Variants in NDRG4 observed in about 807,000 individuals in gnomAD.
The protein encoded by NDRG4 is protein NDRG4.
A neutral mutation model predicts 55.8 loss-of-function variants in NDRG4; 38 were observed. That is an observed-to-expected ratio of 0.68 (90% CI 0.53 to 0.89). The LOEUF (loss-of-function observed/expected upper bound fraction) is 0.89, where lower values mean the gene tolerates loss of function less well. NDRG4 is among the 40% of genes least tolerant of loss of function. The probability of loss-of-function intolerance (pLI) is 0.00; values close to 1 mark genes in which losing one functional copy is unlikely to be tolerated. For missense variants in NDRG4, 455 were observed against 468.6 expected, an observed-to-expected ratio of 0.97 and a Z score of 0.27; for synonymous variants, 190 against 182.7, an observed-to-expected ratio of 1.04 and a Z score of -0.32.
intron 5 of NDRG4, among the ~76,000 whole-genome samples, chr16:58,505,445 A>G (rs2037807862): frequency 6.6e-6 from 1 of 151,482 alleles, no homozygotes; most frequent in Non-Finnish European, 1.5e-5. Context: ...AAAAACCCAA[A>G]AGACTAATTT....
intron 1 of NDRG4, chr16:58,501,190 G>GTCGT: frequency 1.6e-6 from 1 of 618,310 alleles, no homozygotes; most frequent in Non-Finnish European, 2.3e-6. Flanking sequence ...CACCCCGCAC[G>GTCGT]CACGGAGGTG....
At chr16:58,507,680 T>A (rs1322302797) in intron 8 of NDRG4, 128 bp from the exon 9 acceptor site, 7 of 874,830 alleles carry the variant, frequency 8.0e-6, no homozygotes, top group Non-Finnish European at 1.1e-5. Flanking sequence ...ACAGGGAGCC[T>A]CCAGTTCATT....
intron 2 of NDRG4, among the ~76,000 whole-genome samples, chr16:58,492,546 G>C (rs1433582725): frequency 3.5e-5 from 3 of 86,536 alleles, no homozygotes; most frequent in Non-Finnish European, 8.2e-5. Flanking sequence ...GTGTGTGTGT[G>C]TGTGTGAGAG....
chr16:58,512,568 AAGAG>A lies in NDRG4; in HGVS notation c.*997_*1000del, dbSNP rs755179997. On this transcript the variant is annotated 3_prime_UTR_variant, in exon 15 of 15. Coordinates refer to ENST00000570248, the MANE Select transcript of NDRG4 (RefSeq NM_001242835.2). ...GTGTGTCCCGGACGCATCACTAAGG[AAGAG>A]AGAGTTTATTTAGTCAACTGGCCCA... is the stretch of plus-strand genomic sequence containing the variant. 2 of 164,492 alleles carry A rather than the reference AAGAG, an allele frequency of 1.2e-5. No homozygotes were observed. The highest frequency in any genetic ancestry group is 2.4e-5 in the African/African-American group (1 of 41,410). The allele number at this position is 164,492 out of a possible 1,614,324, so 10.2% of individuals were successfully genotyped here.
chr16:58,506,675 C>T (rs1041974765), intron 7 of NDRG4, 61 bp downstream of exon 7: 51 of 1,525,122 alleles, frequency 3.3e-5, no homozygotes, highest in African/African-American at 1.4e-4. Context: ...CCAGCTGGCT[C>T]GGTAGGAGGC....
In NDRG4 at chr16:58,509,439, C is replaced by A; in HGVS notation, c.865+87C>A. The A allele has an allele frequency of 4.3e-6, 6 of 1,411,276 alleles. No homozygotes were observed. The South Asian group carries it at 6.0e-5, about 14-fold the overall frequency. 87.4% of individuals were successfully genotyped at this position (1,411,276 alleles called of 1,614,324 possible). The stretch of plus-strand genomic sequence containing the variant: ...TTGGGGCTCCTGTTTGCAGGGCTGG[C>A]ACGTGGTGTCAGGTGGTAGTAGGGA... On this transcript the variant is annotated intron_variant, in intron 13 of 14. Transcript: ENST00000570248.
At chr16:58,492,556 GAC>G (rs1222027263) in intron 2 of NDRG4, among the ~76,000 whole-genome samples, 3 of 113,198 alleles carry the variant, frequency 2.7e-5, no homozygotes, top group East Asian at 5.6e-4. Context: ...GTGTGTGAGA[GAC>G]AGACAGACAG....
chr16:58,494,939 A>G, intron 2 of NDRG4: 1 of 1,611,972 alleles, frequency 6.2e-7, no homozygotes, highest in Non-Finnish European at 8.5e-7. Flanking sequence ...CTAACTTGCC[A>G]CCCCCTCTGT....
chr16:58,491,784 T>A (rs1419581291), intron 2 of NDRG4, among the ~76,000 whole-genome samples: 3 of 152,142 alleles, frequency 2.0e-5, no homozygotes, highest in South Asian at 4.1e-4. Context: ...TTTTATTTAT[T>A]TTTTGTTTAG....
intron 14 of NDRG4, chr16:58,511,217 T>C (rs966403616): frequency 3.3e-6 from 2 of 600,112 alleles, no homozygotes; most frequent in African/African-American, 3.7e-5. Context: ...GGTCAGCTGC[T>C]GGCCGCAGCC....
chr16:58,476,554 G>A (rs1463623076), intron 1 of NDRG4, among the ~76,000 whole-genome samples: 2 of 152,074 alleles, frequency 1.3e-5, no homozygotes, highest in Non-Finnish European at 1.5e-5. Context: ...TCTAAGATTG[G>A]GATGCATCAT....
At chr16:58,508,679 G>C (rs1468491337) in intron 10 of NDRG4, among the ~76,000 whole-genome samples, 1 of 152,172 alleles carries the variant, frequency 6.6e-6, no homozygotes, top group Non-Finnish European at 1.5e-5. Context: ...TCCCAGGCCA[G>C]TCCCACCACG....
At chr16:58,482,863 A>G (rs143430700) in intron 1 of NDRG4, among the ~76,000 whole-genome samples, 1,669 of 150,872 alleles carry the variant, frequency 0.011, 40 homozygotes, top group African/African-American at 0.039. Flanking sequence ...GCTCACTGCA[A>G]CCTCCACCTC....
chr16:58,497,041 G>A (rs377684007), upstream of NDRG4: 1 of 152,164 alleles, frequency 6.6e-6, no homozygotes, highest in Non-Finnish European at 1.5e-5. Context: ...GAGGATAAAG[G>A]CTGGGTGTGG....
rs781782399 is a variant in NDRG4 at position 58,492,943 on chromosome 16, C to T, written c.73-2021C>T. ...CTGCAGAGCCACCACAGGCCTGGAACGAATCTGCAGAAGAAGCCCAAGTGG... is the reference window on the plus strand; with the variant it reads ...CTGCAGAGCCACCACAGGCCTGGAATGAATCTGCAGAAGAAGCCCAAGTGG... On this transcript the variant is annotated intron_variant, in intron 2 of 15. Transcript: ENST00000258187. Among the ~76,000 whole-genome samples the T allele has an allele frequency of 2.6e-5, 4 of 152,110 alleles. No homozygotes were observed. The East Asian group carries it at 5.8e-4, about 22-fold the overall frequency.
chr16:58,499,012 A>G (rs994582733), upstream of NDRG4: 10 of 152,456 alleles, frequency 6.6e-5, no homozygotes, highest in African/African-American at 1.9e-4. Context: ...ATAGGCACGC[A>G]GCAGCCCCCT....
chr16:58,466,066 G>A (rs950646359), intron 1 of NDRG4, among the ~76,000 whole-genome samples: 6 of 152,306 alleles, frequency 3.9e-5, no homozygotes, highest in African/African-American at 1.4e-4. Context: ...GCCCAGGCTG[G>A]AGTGCAGTGG....
chr16:58,514,727 C>T (rs994970525), downstream of NDRG4, among the ~76,000 whole-genome samples: 1 of 140,646 alleles, frequency 7.1e-6, no homozygotes, highest in Admixed American at 7.4e-5. Context: ...GGGCGAGACT[C>T]CCGTCTCCCC....
Position 58,506,540 on chromosome 16 carries a change from G to A in NDRG4, c.460-18G>A, listed in dbSNP as rs375302015. On this transcript the variant is annotated intron_variant, in intron 6 of 14. Coordinates refer to ENST00000570248, the MANE Select transcript of NDRG4 (RefSeq NM_001242835.2). Reference sequence around the variant, plus strand: ...GGGGTGAGGGGCGGCACTCACGCTGGCGCCCTGCTCCCTGCAGCTCTCCGG... The same window carrying A: ...GGGGTGAGGGGCGGCACTCACGCTGACGCCCTGCTCCCTGCAGCTCTCCGG... 4 of 1,599,770 alleles carry A rather than the reference G, an allele frequency of 2.5e-6. No homozygotes were observed. In the African/African-American group the frequency reaches 5.4e-5, roughly 22 times the overall value.
Sources: allele counts gnomAD v4.1 joint callset (sites outside exome capture counted in the v4.1 genomes callset), GRCh38; gene constraint gnomAD v4.1.1; transcripts MANE v1.5; gene names NCBI Gene and HGNC (gene_info 2026-07-23, HGNC 2026-07-21).